Variants in ALPK2 observed in about 807,000 individuals in gnomAD.
The protein encoded by ALPK2 is alpha kinase 2.
ALPK2 carries 127 observed loss-of-function variants against 163.1 expected under a neutral mutation model. The ratio of observed to expected loss-of-function variants is 0.78; its 90% CI spans 0.67 to 0.90. The LOEUF (loss-of-function observed/expected upper bound fraction) is 0.90. ALPK2 is among the 40% of genes least tolerant of loss of function. ALPK2 has a pLI of 0.00. For missense variants in ALPK2, 2,360 were observed against 2,589.6 expected, an observed-to-expected ratio of 0.91 and a Z score of 1.92; for synonymous variants, 953 against 959.1, an observed-to-expected ratio of 0.99 and a Z score of 0.12.
rs775426541 is a variant in ALPK2, at chr18:58,537,315, C to G, written c.2872G>C (p.Glu958Gln). ...GGACTGGGGCTCTTGTCACCTCCTT[C>G]TTTAAATTGCACTAAAGGATTGTTC... The part of the protein sequence containing the change: ...SENNPLVQFK[E>Q]GGDKSPSPSA... The change falls in exon 5 of 13, where the codon GAA (glutamate) becomes CAA (glutamine). Residue 958 changes from glutamate to glutamine, a missense_variant. Coordinates refer to ENST00000361673, the MANE Select transcript of ALPK2 (RefSeq NM_052947.4). 3 of 1,614,150 alleles carry G rather than the reference C, an allele frequency of 1.9e-6. No individual in the cohort carries two copies. The highest frequency in any genetic ancestry group is 2.5e-6 in the Non-Finnish European group (3 of 1,180,014).
At chr18:58,487,927 C>G (rs2051348671) in intron 12 of ALPK2, among the ~76,000 whole-genome samples, 1 of 152,176 alleles carries the variant, frequency 6.6e-6, no homozygotes, top group East Asian at 1.9e-4. Context: ...TATATTCCCC[C>G]TGGATGAGAG....
At chr18:58,491,474 A>G (rs1475860779) in intron 12 of ALPK2, among the ~76,000 whole-genome samples, 1 of 152,154 alleles carries the variant, frequency 6.6e-6, no homozygotes, top group Non-Finnish European at 1.5e-5. Flanking sequence ...GGTGCTTGAG[A>G]TGTTTTTCAG....
chr18:58,579,663 C>A lies in ALPK2; in HGVS notation c.1113G>T (p.Leu371=). ...DEEMEFGEHC[L]GGCEHFLSGM... is the part of the protein sequence containing the mutation. ...CACTGAGGAAATGCTCACACCCACC[C>A]AGGCAATGCTCACCGAATTCCATCT... is the stretch of plus-strand genomic sequence containing the variant. The change falls in exon 4 of 13, where the codon CTG becomes CTT. Residue 371 remains leucine (L), a synonymous_variant. Coordinates refer to ENST00000361673, the MANE Select transcript of ALPK2 (RefSeq NM_052947.4). 1 of 1,614,136 alleles carries A rather than the reference C, an allele frequency of 6.2e-7. No individual in the cohort carries two copies. The highest frequency in any genetic ancestry group is 1.1e-5 in the South Asian group (1 of 91,076).
chr18:58,607,244 G>A (rs1253858777), intron 3 of ALPK2, 78 bp downstream of exon 3: 16 of 979,448 alleles, frequency 1.6e-5, no homozygotes, highest in Middle Eastern at 2.2e-4. Context: ...CCAATCTTTT[G>A]GCCTTACCTC....
At chr18:58,584,069 CTATT>C (rs546955032) in intron 3 of ALPK2, among the ~76,000 whole-genome samples, 272 of 152,218 alleles carry the variant, frequency 1.8e-3, no homozygotes, top group Middle Eastern at 3.4e-3. Context: ...TAAATACACT[CTATT>C]TAAATTCTTA....
intron 4 of ALPK2, among the ~76,000 whole-genome samples, chr18:58,552,616 T>C (rs2051765755): frequency 6.6e-6 from 1 of 152,228 alleles, no homozygotes; most frequent in Non-Finnish European, 1.5e-5. Flanking sequence ...GCCGTCTATG[T>C]TCCTGGCCTT....
chr18:58,588,412 T>C (rs535762328), intron 3 of ALPK2, among the ~76,000 whole-genome samples: 4 of 152,366 alleles, frequency 2.6e-5, no homozygotes, highest in African/African-American at 7.2e-5. Context: ...TTTGAATTTT[T>C]TTTTAATTTT....
At chr18:58,588,478 G>A (rs549802518) in intron 3 of ALPK2, among the ~76,000 whole-genome samples, 55 of 152,150 alleles carry the variant, frequency 3.6e-4, no homozygotes, top group African/African-American at 1.2e-3. Flanking sequence ...CATAGGTAAC[G>A]TGTGCCATGG....
chr18:58,604,404 C>T (rs560519186), intron 3 of ALPK2, among the ~76,000 whole-genome samples: 1 of 152,338 alleles, frequency 6.6e-6, no homozygotes, highest in Non-Finnish European at 1.5e-5. Context: ...AATCCCTTTG[C>T]AGATGAATGC....
intron 3 of ALPK2, chr18:58,600,563 A>G (rs1040146882): frequency 2.0e-5 from 3 of 152,238 alleles, no homozygotes; most frequent in Non-Finnish European, 4.4e-5. Flanking sequence ...CACGGCTCCT[A>G]GGGTCTGTCT....
chr18:58,537,040 G>C lies in ALPK2; in HGVS notation c.3147C>G (p.Ser1049=). The C allele has an allele frequency of 6.2e-7, 1 of 1,613,888 alleles. No individual in the cohort carries two copies. Among genetic ancestry groups the C allele is most frequent in the South Asian group, 1.1e-5 (1 of 91,082 alleles). Residue 1049 remains serine, a synonymous_variant, in exon 5 of 13, where the codon TCC becomes TCG. Transcript: ENST00000361673. The part of the protein sequence containing the change: ...RFPRASHEKV[S]QFPSQVQLDH... ...CCAACTGCACTTGGGAAGGAAATTG[G>C]GAAACCTTTTCATGGGATGCACGAG...
rs894917874 is a variant in ALPK2, at chr18:58,489,244, C to T, written c.6297-7205G>A. The stretch of plus-strand genomic sequence containing the variant: ...CAGGTGTTCTGAGGGGAGATGCCGT[C>T]GGAGGATGTGTGAAAATGTTTCAAA... On this transcript the variant is annotated intron_variant, in intron 12 of 12. Coordinates refer to ENST00000361673, the MANE Select transcript of ALPK2 (RefSeq NM_052947.4). Among the ~76,000 whole-genome samples, 27 of 152,120 alleles carry T rather than the reference C, an allele frequency of 1.8e-4. 1 individual carries two copies. Among genetic ancestry groups the T allele is most frequent in the Admixed American group, 1.2e-3 (18 of 15,274 alleles).
rs756637464 is a variant in ALPK2, at chr18:58,537,343, A to G, written c.2844T>C (p.Ser948=). Reference sequence around the variant, plus strand: ...TAAATTGCACTAAAGGATTGTTCTCAGAAGAAAGGAGCTGTGTTTCATCAA... The same window carrying G: ...TAAATTGCACTAAAGGATTGTTCTCGGAAGAAAGGAGCTGTGTTTCATCAA... The part of the protein sequence containing the change: ...GGLDETQLLS[S]ENNPLVQFKE... Residue 948 remains serine, a synonymous_variant, in exon 5 of 13, where the codon TCT becomes TCC. Coordinates refer to ENST00000361673, the MANE Select transcript of ALPK2 (RefSeq NM_052947.4). The G allele has an allele frequency of 9.3e-6, 15 of 1,614,028 alleles. No individual in the cohort carries two copies. The highest frequency in any genetic ancestry group is 1.3e-5 in the Non-Finnish European group (15 of 1,179,940).
chr18:58,503,230 T>C (rs1222586878), intron 11 of ALPK2, among the ~76,000 whole-genome samples: 2 of 152,260 alleles, frequency 1.3e-5, no homozygotes, highest in Admixed American at 1.3e-4. Flanking sequence ...TAAAGCATTC[T>C]AAAGACTCTT....
intron 1 of ALPK2, among the ~76,000 whole-genome samples, chr18:58,616,027 C>T (rs142035886): frequency 1.3e-5 from 2 of 152,134 alleles, no homozygotes; most frequent in Non-Finnish European, 2.9e-5. Context: ...AGGTGAGAAC[C>T]CTTGATGACA....
chr18:58,545,615 G>T (rs987691629), intron 4 of ALPK2, among the ~76,000 whole-genome samples: 1 of 152,184 alleles, frequency 6.6e-6, no homozygotes, highest in Non-Finnish European at 1.5e-5. Flanking sequence ...GGGCCAGGAG[G>T]GCCAAGCCAC....
chr18:58,509,044 C>A (rs529393191), intron 10 of ALPK2, among the ~76,000 whole-genome samples: 106 of 124,542 alleles, frequency 8.5e-4, no homozygotes, highest in African/African-American at 2.5e-3. Flanking sequence ...CTCCCCCCAC[C>A]CCACAACAGG....
At chr18:58,620,342 T>C (rs2052191995) in intron 1 of ALPK2, among the ~76,000 whole-genome samples, 1 of 152,188 alleles carries the variant, frequency 6.6e-6, no homozygotes, top group South Asian at 2.1e-4. Flanking sequence ...ATGACATAGA[T>C]GAACCTCAAA....
chr18:58,550,917 C>T (rs1364967463), intron 4 of ALPK2, among the ~76,000 whole-genome samples: 1 of 148,480 alleles, frequency 6.7e-6, no homozygotes, highest in African/African-American at 2.5e-5. Context: ...CATGCAACCC[C>T]ATCCCCACCT....
Sources: gnomAD v4.1 joint callset for allele counts (sites outside exome capture counted in the v4.1 genomes callset) on GRCh38, gnomAD v4.1.1 for gene constraint, MANE v1.5 for transcripts, NCBI Gene and HGNC (gene_info 2026-07-23, HGNC 2026-07-21) for gene names.